Variants in PCDH7 observed in about 807,000 individuals in gnomAD.
PCDH7 encodes protocadherin 7, also known as protocadherin-7.
In PCDH7, 17 loss-of-function variants were observed where a neutral mutation model predicts 58.9. The observed-to-expected ratio is 0.29, with a 90% CI of 0.20 to 0.43. PCDH7 has a LOEUF of 0.43. Ranked by LOEUF, PCDH7 falls within the 20% of genes least tolerant of loss-of-function variation. The pLI, the probability that PCDH7 is intolerant of heterozygous loss-of-function variation, is 1.00. For synonymous variants in PCDH7, 664 were observed against 616.4 expected (o/e 1.08, Z -1.14); for missense variants, 1,274 against 1,441.0 (o/e 0.88, Z 1.88).
intron 1 of PCDH7, among the ~76,000 whole-genome samples, chr4:30,796,941 T>G (rs545972066): frequency 6.6e-6 from 1 of 152,168 alleles, no homozygotes; most frequent in Non-Finnish European, 1.5e-5. Context: ...TTTTTCTAAT[T>G]ATTAAGTTGT....
At chr4:30,896,021 A>G (rs905422443) in intron 1 of PCDH7, among the ~76,000 whole-genome samples, 1 of 152,170 alleles carries the variant, frequency 6.6e-6, no homozygotes, top group Non-Finnish European at 1.5e-5. Context: ...CCAATCTTAT[A>G]AGCAGGAATA....
intron 3 of PCDH7, among the ~76,000 whole-genome samples, chr4:30,975,143 TTGTGTGTGTGTGTGTGTGTGTG>T (rs35675648): frequency 3.6e-5 from 5 of 138,764 alleles, no homozygotes; most frequent in East Asian, 4.4e-4. Context: ...TTCCCTTTCA[TTGTGTGTGTGTGTGTGTGTGTG>T]TGTGTGTGTG....
chr4:30,764,754 C>T lies in PCDH7; in HGVS notation c.70+40158C>T, dbSNP rs1378505322. 2.0e-5 allele frequency among the ~76,000 whole-genome samples: 3 copies of T among 152,114 alleles called. No individual in the cohort carries two copies. The South Asian group carries it at 6.2e-4, about 32-fold the overall frequency. ...GTTTGTTTGTTTTGACAGAGACTTG[C>T]TCTGTCACCAGGCTGGAGCACAGTG... On this transcript the variant is annotated intron_variant, in intron 1 of 3. Coordinates refer to the PCDH7 transcript ENST00000509759.
intron 1 of PCDH7, among the ~76,000 whole-genome samples, chr4:30,916,867 C>T (rs993067853): frequency 1.3e-5 from 2 of 152,138 alleles, no homozygotes; most frequent in Non-Finnish European, 2.9e-5. Flanking sequence ...CTCTGAGTCC[C>T]GCCCTGAATG....
intron 1 of PCDH7, among the ~76,000 whole-genome samples, chr4:30,918,016 T>C (rs1348965867): frequency 4.6e-5 from 7 of 152,184 alleles, no homozygotes; most frequent in Non-Finnish European, 1.0e-4. Flanking sequence ...TTTTGAGTTT[T>C]CTTTTTGTGT....
chr4:30,863,191 A>G (rs1048246468), intron 1 of PCDH7, among the ~76,000 whole-genome samples: 5 of 152,130 alleles, frequency 3.3e-5, no homozygotes, highest in Admixed American at 6.6e-5. Flanking sequence ...ATATTATGGA[A>G]TGAAGAAGAT....
chr4:31,069,980 T>C (rs1228175751), intron 3 of PCDH7, among the ~76,000 whole-genome samples: 4 of 152,028 alleles, frequency 2.6e-5, no homozygotes, highest in Admixed American at 1.3e-4. Context: ...ACAGCCCAAA[T>C]ACTTTGAGTG....
At position 30,840,978 on chromosome 4, in the gene PCDH7, C is replaced by T. The variant is rs1008720731; in HGVS notation, c.71-79175C>T. 1.3e-4 allele frequency among the ~76,000 whole-genome samples: 20 copies of T among 151,812 alleles called. No individual in the cohort carries two copies. In the East Asian group the frequency reaches 2.7e-3, roughly 21 times the overall value. On this transcript the variant is annotated intron_variant, in intron 1 of 3. Transcript: ENST00000509759. ...ATAAGGACCCAGTTTTTGGGAATTC[C>T]GATTCTTTTGCAAAAGCATTTTAAA... is the stretch of plus-strand genomic sequence containing the variant.
At chr4:30,988,832 C>G (rs1336944793) in intron 3 of PCDH7, among the ~76,000 whole-genome samples, 2 of 152,098 alleles carry the variant, frequency 1.3e-5, no homozygotes, top group Non-Finnish European at 2.9e-5. Context: ...TCTTTGCAGG[C>G]CCTGTGCAAT....
At chr4:30,783,791 T>C (rs1048224736) in intron 1 of PCDH7, among the ~76,000 whole-genome samples, 1 of 152,208 alleles carries the variant, frequency 6.6e-6, no homozygotes, top group African/African-American at 2.4e-5. Context: ...ATATAGCTTT[T>C]ATATAAGTGA....
intron 1 of PCDH7, among the ~76,000 whole-genome samples, chr4:30,760,746 C>T (rs1577691682): frequency 6.6e-6 from 1 of 152,168 alleles, no homozygotes. Context: ...CTGATAAGGT[C>T]TCCCAACCAA....
intron 3 of PCDH7, among the ~76,000 whole-genome samples, chr4:31,083,145 A>G (rs2109272485): frequency 6.6e-6 from 1 of 152,166 alleles, no homozygotes; most frequent in South Asian, 2.1e-4. Flanking sequence ...AAAACTACAC[A>G]TTAAGTACAA....
chr4:31,137,908 A>G (rs1719806206), intron 3 of PCDH7, among the ~76,000 whole-genome samples: 1 of 152,326 alleles, frequency 6.6e-6, no homozygotes, highest in African/African-American at 2.4e-5. Flanking sequence ...GCAAAGATCC[A>G]TGTATCTCTA....
At chr4:30,776,010 A>T (rs1722021307) in intron 1 of PCDH7, among the ~76,000 whole-genome samples, 1 of 152,238 alleles carries the variant, frequency 6.6e-6, no homozygotes, top group South Asian at 2.1e-4. Flanking sequence ...TGGCAAGTAC[A>T]TTATAATAGC....
At chr4:30,955,977 G>A (rs1476045581) in intron 3 of PCDH7, among the ~76,000 whole-genome samples, 1 of 150,600 alleles carries the variant, frequency 6.6e-6, no homozygotes, top group African/African-American at 2.4e-5. Context: ...GAGGTCAGGA[G>A]ATCGAGACCA....
chr4:30,822,978 G>A (rs7654583), intron 1 of PCDH7, among the ~76,000 whole-genome samples: 89,272 of 152,000 alleles, frequency 0.59, 26,933 homozygotes, highest in African/African-American at 0.73. Context: ...GCATTAAATA[G>A]CAAAGATAAA....
intron 3 of PCDH7, among the ~76,000 whole-genome samples, chr4:31,048,639 C>T (rs917468518): frequency 6.6e-6 from 1 of 151,824 alleles, no homozygotes; most frequent in Non-Finnish European, 1.5e-5. Flanking sequence ...CAAGCTTTTA[C>T]TACAAATAGT....
intron 1 of PCDH7, among the ~76,000 whole-genome samples, chr4:30,884,253 T>A (rs1404745045): frequency 6.6e-6 from 1 of 152,102 alleles, no homozygotes; most frequent in Admixed American, 6.6e-5. Flanking sequence ...TTGGCACTGA[T>A]ATTTTATAAA....
intron 3 of PCDH7, among the ~76,000 whole-genome samples, chr4:30,992,936 T>A (rs1751581270): frequency 6.6e-6 from 1 of 151,866 alleles, no homozygotes; most frequent in Middle Eastern, 3.4e-3. Context: ...GTAGCTGGGA[T>A]TACAGGTGCC....
Sources: gnomAD v4.1 joint callset for allele counts (sites outside exome capture counted in the v4.1 genomes callset) on GRCh38, gnomAD v4.1.1 for gene constraint, MANE v1.5 for transcripts, NCBI Gene and HGNC (gene_info 2026-07-23, HGNC 2026-07-21) for gene names.